ADCK5: variants seen among roughly 807,000 people sequenced by gnomAD.
ADCK5 encodes the protein uncharacterized aarF domain-containing protein kinase 5.
In ADCK5, 43 loss-of-function variants were observed where a neutral mutation model predicts 64.9. That is an observed-to-expected ratio of 0.66 (90% CI 0.52 to 0.85). The LOEUF (loss-of-function observed/expected upper bound fraction) is 0.85, where lower values mean the gene tolerates loss of function less well. Among genes scored for constraint, ADCK5 ranks in the 40% least tolerant of loss-of-function variants. ADCK5 has a pLI of 0.00. For missense variants in ADCK5, 760 were observed against 810.5 expected (o/e 0.94, Z 0.76); for synonymous variants, 434 against 342.8 (o/e 1.27, Z -2.94).
Position 144,392,288 on chromosome 8 carries a change from A to G in ADCK5, c.1210A>G (p.Ile404Val). ...RAALCQLWRA[I>V]ILRDDAAMRA... Reference sequence around the variant, plus strand: ...AGCCCTCTGCCAGCTGTGGCGGGCCATCATCCTGCGGGACGACGCCGCCAT... The same window carrying G: ...AGCCCTCTGCCAGCTGTGGCGGGCCGTCATCCTGCGGGACGACGCCGCCAT... The change falls in exon 12 of 15, where the codon ATC (isoleucine) becomes GTC (valine). Residue 404 changes from isoleucine (I) to valine (V), a missense_variant. Physicochemically the swap from Ile to Val is conservative, Grantham distance 29. Coordinates refer to ENST00000308860, the MANE Select transcript of ADCK5 (RefSeq NM_174922.5). 1.3e-6 allele frequency: 2 copies of G among 1,517,406 alleles called. No individual in the cohort carries two copies. The highest frequency in any genetic ancestry group is 1.8e-6 in the Non-Finnish European group (2 of 1,135,662). 94.0% of individuals were successfully genotyped at this position (1,517,406 alleles called of 1,614,324 possible). A position where few individuals can be genotyped will look rare whatever the true frequency, so the allele number is the denominator to read the frequency against.
Position 144,383,139 on chromosome 8 carries a change from C to A in ADCK5, c.175C>A (p.Pro59Thr). ...KVLSTAVVGAPLLLGARYVMA... is the reference protein window; with the variant it reads ...KVLSTAVVGATLLLGARYVMA... The stretch of plus-strand genomic sequence containing the variant: ...GCTCTCCACCGCGGTAGTGGGGGCG[C>A]CCCTGCTCCTCGGAGCCCGCTATGT... Residue 59 changes from proline to threonine, a missense_variant, in exon 3 of 15, where the codon CCC (proline) becomes ACC (threonine). Pro to Thr is a conservative substitution (Grantham distance 38). This residue lies in a region of ADCK5 where 427 missense variants were observed against 518.4 expected (regional missense o/e 0.82). Transcript: ENST00000308860. 1 of 1,589,226 alleles carries A rather than the reference C, an allele frequency of 6.3e-7. No individual in the cohort carries two copies. The highest frequency in any genetic ancestry group is 2.3e-5 in the East Asian group (1 of 43,782).
Position 144,391,968 on chromosome 8 carries a change from G to A in ADCK5, c.1042G>A (p.Ala348Thr). The change falls in exon 10 of 15, where the codon GCT (alanine) becomes ACT (threonine). Residue 348 changes from alanine to threonine, a missense_variant. Coordinates refer to ENST00000308860, the MANE Select transcript of ADCK5 (RefSeq NM_174922.5). The stretch of plus-strand genomic sequence containing the variant: ...AGCAGAAAAGCTCATCAAGGCCTTT[G>A]CTGAGCAGATATTTTACACCGGCTT... ...DIAEKLIKAF[A>T]EQIFYTGFIH... The A allele has an allele frequency of 6.2e-7, 1 of 1,612,752 alleles. No individual in the cohort carries two copies. The highest frequency in any genetic ancestry group is 8.5e-7 in the Non-Finnish European group (1 of 1,179,976).
chr8:144,374,205 G>A (rs1268597208), intron 1 of ADCK5, 98 bp downstream of exon 1: 1 of 1,162,832 alleles, frequency 8.6e-7, no homozygotes, highest in African/African-American at 1.6e-5. Context: ...GAGACCCTCG[G>A]GGCTTTTTCC....
chr8:144,375,986 C>G (rs1295916738), intron 1 of ADCK5, among the ~76,000 whole-genome samples: 1 of 152,180 alleles, frequency 6.6e-6, no homozygotes, highest in African/African-American at 2.4e-5. Context: ...CTGGATTGGG[C>G]TCTGGGAAGT....
intron 1 of ADCK5, among the ~76,000 whole-genome samples, chr8:144,375,229 TG>T (rs775580482): frequency 7.7e-4 from 117 of 152,310 alleles, no homozygotes; most frequent in Non-Finnish European, 1.3e-3. Context: ...GAGCTGCTCA[TG>T]GCCAGTGAGC....
chr8:144,392,452 C>A lies in ADCK5; in HGVS notation c.1275C>A (p.Leu425=). 1 of 1,406,956 alleles carries A rather than the reference C, an allele frequency of 7.1e-7. No homozygotes were observed. Among genetic ancestry groups the A allele is most frequent in the Non-Finnish European group, 9.4e-7 (1 of 1,060,204 alleles). 87.2% of individuals were successfully genotyped at this position (1,406,956 alleles called of 1,614,324 possible). A position where few individuals can be genotyped will look rare whatever the true frequency, so the allele number is the denominator to read the frequency against. The change falls in exon 13 of 15, where the codon CTC becomes CTA. Residue 425 remains leucine (L), a synonymous_variant. Coordinates refer to ENST00000308860, the MANE Select transcript of ADCK5 (RefSeq NM_174922.5). The part of the protein sequence containing the change: ...HAAALGVQDY[L]LFAEMLMQRP... ...CCCTCCCTCCCTCCCCAGACTACCT[C>A]CTGTTCGCCGAGATGCTCATGCAGC...
chr8:144,383,830 C>T (rs2130706370), intron 3 of ADCK5, among the ~76,000 whole-genome samples: 1 of 151,802 alleles, frequency 6.6e-6, no homozygotes, highest in East Asian at 1.9e-4. Flanking sequence ...GCCCTGCTAG[C>T]CTGAGCCTGG....
intron 1 of ADCK5, among the ~76,000 whole-genome samples, chr8:144,374,548 C>A (rs1401468674): frequency 6.6e-6 from 1 of 152,098 alleles, no homozygotes; most frequent in Non-Finnish European, 1.5e-5. Context: ...AGCCCGGAGG[C>A]GGGTGCCCGG....
intron 3 of ADCK5, among the ~76,000 whole-genome samples, chr8:144,387,810 C>T (rs563404319): frequency 1.3e-5 from 2 of 151,704 alleles, no homozygotes; most frequent in Non-Finnish European, 2.9e-5. Flanking sequence ...CCGCTCACTG[C>T]AACCTCCACC....
chr8:144,393,175 T>C lies in ADCK5; in HGVS notation c.*101T>C. On this transcript the variant is annotated 3_prime_UTR_variant, in exon 15 of 15. Transcript: ENST00000308860. ...CCCCGAGCCCCGTGGGCACTCGCAC[T>C]GGGGGGCTGTGACAGCAGCTGGGCC... 7.4e-7 allele frequency: 1 copy of C among 1,348,706 alleles called. No individual in the cohort carries two copies. The highest frequency in any genetic ancestry group is 9.9e-7 in the Non-Finnish European group (1 of 1,010,094). The allele number at this position is 1,348,706 out of a possible 1,614,324, so 83.5% of individuals were successfully genotyped here.
rs1305991185 is a variant in ADCK5 at position 144,392,418 on chromosome 8, T to TCCCTCCCC, written c.1268-20_1268-19insCCCCTCCC. On this transcript the variant is annotated intron_variant, in intron 12 of 14. Coordinates refer to ENST00000308860, the MANE Select transcript of ADCK5 (RefSeq NM_174922.5). ...GGCGCGGAACCCACTCAGAGCCCCC[T>TCCCTCCCC]CCCTCCCTCCCTCCCTCCCTCCCCA... is the stretch of plus-strand genomic sequence containing the variant. The TCCCTCCCC allele has an allele frequency of 5.0e-6, 4 of 804,276 alleles. No individual in the cohort carries two copies. The African/African-American group carries it at 7.4e-5, about 15-fold the overall frequency. 49.8% of individuals were successfully genotyped at this position (804,276 alleles called of 1,614,324 possible).
Position 144,393,039 on chromosome 8 carries a change from C to T in ADCK5, c.1708C>T (p.Pro570Ser), listed in dbSNP as rs1554861711. 1 of 1,588,578 alleles carries T rather than the reference C, an allele frequency of 6.3e-7. No individual in the cohort carries two copies. Among genetic ancestry groups the T allele is most frequent in the Admixed American group, 1.8e-5 (1 of 57,052 alleles). Residue 570 changes from proline to serine, a missense_variant, in exon 15 of 15, where the codon CCA (proline) becomes TCA (serine). Transcript: ENST00000308860. ...TCTGGTCCACCTGAGCCTCGTGCCC[C>T]CAGCGGAGGAGCTCTACCAGTACCT... ...RALVHLSLVP[P>S]AEELYQYLET
chr8:144,386,609 C>T (rs1246955422), intron 3 of ADCK5, among the ~76,000 whole-genome samples: 3 of 152,200 alleles, frequency 2.0e-5, no homozygotes, highest in Non-Finnish European at 4.4e-5. Flanking sequence ...CTGCCCGCCT[C>T]GGACTCCCAA....
rs2116847181 is a variant in ADCK5 at position 144,381,290 on chromosome 8, C to A, written c.117-1791C>A. Among the ~76,000 whole-genome samples the A allele has an allele frequency of 4.8e-3, 77 of 15,882 alleles. 1 individual carries two copies. The highest frequency in any genetic ancestry group is 0.042 in the Middle Eastern group (1 of 24). The allele number at this position is 15,882 out of a possible 152,430, so 10.4% of individuals were successfully genotyped here. ...TGTAGAATCAGATGTGTGCTCAGGC[C>A]CCTGCTGCACTCAGGATTATGGGCC... is the stretch of plus-strand genomic sequence containing the variant. On this transcript the variant is annotated intron_variant, in intron 2 of 14. Transcript: ENST00000308860.
At chr8:144,389,378 C>T (rs1820098761) in intron 3 of ADCK5, 1 of 456,240 alleles carries the variant, frequency 2.2e-6, no homozygotes, top group Non-Finnish European at 4.4e-6. Flanking sequence ...CTCAGCCCTG[C>T]CCCCTTGCTG....
intron 3 of ADCK5, among the ~76,000 whole-genome samples, chr8:144,385,952 ACTCT>A (rs1333036992): frequency 7.0e-6 from 1 of 143,808 alleles, no homozygotes; most frequent in Non-Finnish European, 1.5e-5. Context: ...TGACAGAGCG[ACTCT>A]CTGTCTCAAA....
At position 144,392,304 on chromosome 8, in the gene ADCK5, ACGC is replaced by A. The variant is rs1820291248; in HGVS notation, c.1231_1233del (p.Ala411del). ...TGGCGGGCCATCATCCTGCGGGACGACGCCGCCATGAGGGCGCACGCAGCCGCA... is the reference window on the plus strand; with the variant it reads ...TGGCGGGCCATCATCCTGCGGGACGACGCCATGAGGGCGCACGCAGCCGCA... On this transcript the variant is annotated inframe_deletion, in exon 12 of 15. Transcript: ENST00000308860. The A allele has an allele frequency of 6.6e-7, 1 of 1,504,054 alleles. No homozygotes were observed. The highest frequency in any genetic ancestry group is 2.0e-5 in the Admixed American group (1 of 48,840). The allele number at this position is 1,504,054 out of a possible 1,614,324, so 93.2% of individuals were successfully genotyped here.
intron 3 of ADCK5, among the ~76,000 whole-genome samples, chr8:144,385,156 G>A (rs1819854280): frequency 1.3e-5 from 2 of 151,264 alleles, no homozygotes; most frequent in African/African-American, 2.4e-5. Context: ...TCAGAGCCCT[G>A]TCTTTAATCT....
chr8:144,377,231 G>C (rs1212515373), intron 1 of ADCK5, among the ~76,000 whole-genome samples: 1 of 152,226 alleles, frequency 6.6e-6, no homozygotes, highest in Admixed American at 6.5e-5. Flanking sequence ...TTTCCAGTGA[G>C]AGCTGTGGTG....
Sources: allele counts gnomAD v4.1 joint callset (sites outside exome capture counted in the v4.1 genomes callset), GRCh38; gene constraint gnomAD v4.1.1; regional missense constraint gnomAD v4.1.1; transcripts MANE v1.5; gene names NCBI Gene and HGNC (gene_info 2026-07-23, HGNC 2026-07-21).